SRPK2: variants seen among roughly 807,000 people sequenced by gnomAD.
SRPK2 encodes SFRS protein kinase 2.
Under a neutral mutation model 90.8 loss-of-function variants are expected in SRPK2, and 21 were observed. The ratio of observed to expected loss-of-function variants is 0.23; its 90% CI spans 0.16 to 0.33. The LOEUF is 0.33. Ranked by LOEUF, SRPK2 falls within the 10% of genes least tolerant of loss-of-function variation. The pLI, the probability that SRPK2 is intolerant of heterozygous loss-of-function variation, is 1.00. For missense variants in SRPK2, 620 were observed against 869.0 expected, an observed-to-expected ratio of 0.71 and a Z score of 3.60; for synonymous variants, 288 against 311.1, an observed-to-expected ratio of 0.93 and a Z score of 0.78.
chr7:105,128,081 G>A (rs1384417433), intron 13 of SRPK2, among the ~76,000 whole-genome samples: 1 of 152,156 alleles, frequency 6.6e-6, no homozygotes, highest in Non-Finnish European at 1.5e-5. Context: ...AGGCTCACCT[G>A]CCTGGGTGAG....
chr7:105,189,122 G>T (rs1028154723), intron 3 of SRPK2: 1 of 153,170 alleles, frequency 6.5e-6, no homozygotes, highest in African/African-American at 2.4e-5. Context: ...ACACTGGGGA[G>T]AGGCCCTCAC....
chr7:105,302,342 T>G lies in SRPK2; in HGVS notation c.71+86306A>C, dbSNP rs544951524. Among the ~76,000 whole-genome samples, 5 of 152,344 alleles carry G rather than the reference T, an allele frequency of 3.3e-5. No individual in the cohort carries two copies. In the South Asian group the frequency reaches 1.0e-3, roughly 32 times the overall value. On this transcript the variant is annotated intron_variant, in intron 2 of 15. Coordinates refer to ENST00000393651, the MANE Select transcript of SRPK2 (RefSeq NM_182692.3). ...TATGAAGCCTCTTGAGCTTTGTAAATGGACAGGCATGTGGAATAAGAATCA... is the reference window on the plus strand; with the variant it reads ...TATGAAGCCTCTTGAGCTTTGTAAAGGGACAGGCATGTGGAATAAGAATCA...
At chr7:105,217,430 C>T (rs1797609249) in intron 2 of SRPK2, among the ~76,000 whole-genome samples, 1 of 152,226 alleles carries the variant, frequency 6.6e-6, no homozygotes, top group Non-Finnish European at 1.5e-5. Flanking sequence ...AAATTATTCT[C>T]TCTTGCATTC....
intron 13 of SRPK2, among the ~76,000 whole-genome samples, chr7:105,129,193 C>T (rs1801635592): frequency 6.6e-6 from 1 of 152,124 alleles, no homozygotes; most frequent in Non-Finnish European, 1.5e-5. Context: ...CTCGGCCTCC[C>T]AAAGTGCTGG....
At chr7:105,183,262 A>G (rs1237524594) in intron 3 of SRPK2, among the ~76,000 whole-genome samples, 1 of 152,232 alleles carries the variant, frequency 6.6e-6, no homozygotes, top group East Asian at 1.9e-4. Flanking sequence ...AAAAAACCCT[A>G]GAGAATAAGA....
Position 105,388,662 on chromosome 7 carries a change from C to T in SRPK2, c.57G>A (p.Glu19=), listed in dbSNP as rs1166679569. 1 of 1,588,980 alleles carries T rather than the reference C, an allele frequency of 6.3e-7. No individual in the cohort carries two copies. The highest frequency in any genetic ancestry group is 1.7e-5 in the Admixed American group (1 of 57,458). ...IQARKRRPKR[E]KHPKKPEPQQ... ...CGTGGACTCACTTTTTCGGATGTTT[C>T]TCTCTTTTCGGCCTCCGCTTTCGGG... The change falls in exon 2 of 16, where the codon GAG becomes GAA. Residue 19 remains glutamate (E), a synonymous_variant. Transcript: ENST00000393651.
At chr7:105,253,190 C>A (rs970997422) in intron 2 of SRPK2, among the ~76,000 whole-genome samples, 39 of 152,040 alleles carry the variant, frequency 2.6e-4, no homozygotes, top group African/African-American at 9.2e-4. Flanking sequence ...TGTTTAATAC[C>A]CCCAGTGTCA....
At chr7:105,157,984 AGAG>A (rs1806782426) in intron 7 of SRPK2, among the ~76,000 whole-genome samples, 1 of 152,130 alleles carries the variant, frequency 6.6e-6, no homozygotes, top group Non-Finnish European at 1.5e-5. Flanking sequence ...GAGGATCACT[AGAG>A]CCCAGGAGGC....
At chr7:105,336,550 A>G (rs1045758265) in intron 2 of SRPK2, among the ~76,000 whole-genome samples, 12 of 151,786 alleles carry the variant, frequency 7.9e-5, no homozygotes, top group Non-Finnish European at 1.0e-4. Context: ...CTGAAAACCA[A>G]AAAAAAAGTT....
chr7:105,326,932 G>A (rs1333939185), intron 2 of SRPK2, among the ~76,000 whole-genome samples: 1 of 151,972 alleles, frequency 6.6e-6, no homozygotes, highest in Non-Finnish European at 1.5e-5. Context: ...GAGTGGTGGT[G>A]GGAGCCTGTA....
intron 2 of SRPK2, among the ~76,000 whole-genome samples, chr7:105,329,320 G>A (rs1813991264): frequency 6.6e-6 from 1 of 152,178 alleles, no homozygotes; most frequent in African/African-American, 2.4e-5. Flanking sequence ...AGGTAGTTTT[G>A]AGAGGAAGAG....
intron 2 of SRPK2, among the ~76,000 whole-genome samples, chr7:105,372,238 T>C (rs925523408): frequency 1.3e-5 from 2 of 151,360 alleles, no homozygotes; most frequent in Admixed American, 6.6e-5. Flanking sequence ...AAATCTGAAA[T>C]GTCTACATAA....
intron 2 of SRPK2, among the ~76,000 whole-genome samples, chr7:105,264,628 T>A (rs951650097): frequency 6.6e-6 from 1 of 152,182 alleles, no homozygotes; most frequent in African/African-American, 2.4e-5. Flanking sequence ...GCTACAAGTA[T>A]AAAGACTCCC....
chr7:105,354,649 GC>G (rs776977444), intron 2 of SRPK2, among the ~76,000 whole-genome samples: 1 of 152,144 alleles, frequency 6.6e-6, no homozygotes, highest in Non-Finnish European at 1.5e-5. Context: ...CCTCTGTCCA[GC>G]CCTGGTCTCT....
At chr7:105,341,084 G>A (rs990765441) in intron 2 of SRPK2, among the ~76,000 whole-genome samples, 2 of 152,122 alleles carry the variant, frequency 1.3e-5, no homozygotes, top group African/African-American at 4.8e-5. Context: ...GAAAACCATA[G>A]GCCCGGTGCA....
chr7:105,261,109 T>C (rs948078519), intron 2 of SRPK2, among the ~76,000 whole-genome samples: 4 of 151,408 alleles, frequency 2.6e-5, no homozygotes, highest in Admixed American at 6.6e-5. Flanking sequence ...ATTTGGGATG[T>C]AAATGACTAT....
chr7:105,247,216 T>C (rs1563140508), intron 2 of SRPK2, among the ~76,000 whole-genome samples: 1 of 152,228 alleles, frequency 6.6e-6, no homozygotes, highest in Non-Finnish European at 1.5e-5. Context: ...TTTCTCTATA[T>C]ACTAACTAAG....
chr7:105,328,680 C>T lies in SRPK2; in HGVS notation c.71+59968G>A, dbSNP rs375237883. 1.3e-4 allele frequency among the ~76,000 whole-genome samples: 20 copies of T among 151,002 alleles called. No homozygotes were observed. The East Asian group carries it at 2.5e-3, about 19-fold the overall frequency. On this transcript the variant is annotated intron_variant, in intron 2 of 15. Coordinates refer to ENST00000393651, the MANE Select transcript of SRPK2 (RefSeq NM_182692.3). ...GAGATCGAGACCATCCTTGCTAACA[C>T]GGTGAAACCCCATCTCTACTAAAAA...
chr7:105,387,009 C>T (rs1264772294), intron 2 of SRPK2, among the ~76,000 whole-genome samples: 1 of 152,190 alleles, frequency 6.6e-6, no homozygotes, highest in Non-Finnish European at 1.5e-5. Flanking sequence ...ACCAAAAAGG[C>T]CCTCGACCAT....
Sources: gnomAD v4.1 joint callset for allele counts (sites outside exome capture counted in the v4.1 genomes callset) on GRCh38, gnomAD v4.1.1 for gene constraint, MANE v1.5 for transcripts, NCBI Gene and HGNC (gene_info 2026-07-23, HGNC 2026-07-21) for gene names.